The following CELSR1 variants were observed in gnomAD, a reference collection of about 807,000 sequenced individuals.
CELSR1 encodes the protein adhesion G protein-coupled receptor C1.
Under a neutral mutation model 249.1 loss-of-function variants are expected in CELSR1, and 110 were observed. The ratio of observed to expected loss-of-function variants is 0.44; its 90% CI spans 0.38 to 0.52. The LOEUF is 0.52. Among genes scored for constraint, CELSR1 ranks in the 20% least tolerant of loss-of-function variants. CELSR1 has a pLI of 0.00. For synonymous variants in CELSR1, 2,113 were observed against 1,900.0 expected (o/e 1.11, Z -2.92); for missense variants, 4,109 against 4,296.4 (o/e 0.96, Z 1.22).
At position 46,396,787 on chromosome 22, in the gene CELSR1, C is replaced by T. The variant is rs777465230; in HGVS notation, c.5702-41G>A. 82 of 1,598,204 alleles carry T rather than the reference C, an allele frequency of 5.1e-5. No homozygotes were observed. Among genetic ancestry groups the T allele is most frequent in the Non-Finnish European group, 5.8e-5 (68 of 1,172,560 alleles). ...CAGCATTACCTCCACCCACAATCCACGAGACCTTCCACGTTAAAATATCTG... is the reference window on the plus strand; with the variant it reads ...CAGCATTACCTCCACCCACAATCCATGAGACCTTCCACGTTAAAATATCTG... On this transcript the variant is annotated intron_variant, in intron 12 of 34. Transcript: ENST00000674500. This position sits in a 1 kb window ranked among gnomAD's most constrained non-coding sequence, Gnocchi z 6.4.
intron 1 of CELSR1, among the ~76,000 whole-genome samples, chr22:46,495,285 G>A (rs1446083469): frequency 3.3e-5 from 5 of 152,210 alleles, no homozygotes; most frequent in African/African-American, 1.2e-4. Context: ...ACTGAGTACT[G>A]TAAGCAACTG....
At chr22:46,491,925 C>T (rs927496523) in intron 1 of CELSR1, among the ~76,000 whole-genome samples, 1 of 152,202 alleles carries the variant, frequency 6.6e-6, no homozygotes, top group Non-Finnish European at 1.5e-5. Context: ...GCATGAGCCA[C>T]GATGTCGCGC....
intron 19 of CELSR1, among the ~76,000 whole-genome samples, chr22:46,385,012 A>T (rs577874231): frequency 1.3e-5 from 2 of 151,996 alleles, no homozygotes; most frequent in Non-Finnish European, 2.9e-5. Context: ...GGCTGGTCTC[A>T]AACTCCTGAC....
intron 2 of CELSR1, among the ~76,000 whole-genome samples, chr22:46,460,958 G>A (rs1220793349): frequency 6.6e-6 from 1 of 152,172 alleles, no homozygotes. Flanking sequence ...AGCTCCTGCT[G>A]TCTCCTGTCC....
Position 46,464,383 on chromosome 22 carries a change from G to C in CELSR1, c.3545-38C>G. 6.3e-7 allele frequency: 1 copy of C among 1,583,858 alleles called. No homozygotes were observed. The highest frequency in any genetic ancestry group is 8.6e-7 in the Non-Finnish European group (1 of 1,165,338). ...GGAAAGTCAGGGTCATTCAGATGCTGCGGGAGTCACAGGTCCTATAGGCCC... is the reference window on the plus strand; with the variant it reads ...GGAAAGTCAGGGTCATTCAGATGCTCCGGGAGTCACAGGTCCTATAGGCCC... On this transcript the variant is annotated intron_variant, in intron 1 of 34. Transcript: ENST00000674500. The surrounding 1 kb of genome is among the most constrained non-coding windows in gnomAD (Gnocchi z 8.5).
chr22:46,480,300 C>A (rs1478077363), intron 1 of CELSR1, among the ~76,000 whole-genome samples: 2 of 152,204 alleles, frequency 1.3e-5, no homozygotes, highest in African/African-American at 4.8e-5. Context: ...CCCCTCACCT[C>A]CCAAGAAGAG....
At chr22:46,424,369 A>T (rs2079514187) in intron 5 of CELSR1, among the ~76,000 whole-genome samples, 2 of 152,112 alleles carry the variant, frequency 1.3e-5, no homozygotes, top group Non-Finnish European at 1.5e-5. Context: ...GTGAGCCACC[A>T]CACCTGGCCT....
In CELSR1 at chr22:46,411,875, C is replaced by G; in HGVS notation, c.4612-116G>C. ...TGGCACAGGGTGGGCGGCACGTAGA[C>G]AAGGGATGAGGAGCCCCCGGCCTTT... On this transcript the variant is annotated intron_variant, in intron 5 of 34. Coordinates refer to ENST00000674500, the MANE Select transcript of CELSR1 (RefSeq NM_001378328.1). The surrounding 1 kb of genome is among the most constrained non-coding windows in gnomAD (Gnocchi z 4.2). 7.4e-7 allele frequency: 1 copy of G among 1,359,584 alleles called. No individual in the cohort carries two copies. 84.2% of individuals were successfully genotyped at this position (1,359,584 alleles called of 1,614,324 possible).
intron 1 of CELSR1, among the ~76,000 whole-genome samples, chr22:46,476,244 T>C (rs753212719): frequency 6.6e-6 from 1 of 152,152 alleles, no homozygotes; most frequent in Non-Finnish European, 1.5e-5. Flanking sequence ...CGTCCACCAA[T>C]GTATGAATGG....
chr22:46,529,476 G>A (rs1235001430), intron 1 of CELSR1, among the ~76,000 whole-genome samples: 2 of 151,930 alleles, frequency 1.3e-5, no homozygotes, highest in African/African-American at 4.8e-5. Flanking sequence ...CAGGAGGAAG[G>A]TGGATGGTCA....
At position 46,464,046 on chromosome 22, in the gene CELSR1, C is replaced by T. The variant is rs1177221984; in HGVS notation, c.3844G>A (p.Glu1282Lys). Residue 1282 changes from glutamate (E) to lysine (K), a missense_variant, in exon 2 of 35, where the codon GAG becomes AAG. Glu to Lys is a moderately conservative substitution (Grantham distance 56, BLOSUM62 1). Transcript: ENST00000674500. This position sits in a 1 kb window ranked among gnomAD's most constrained non-coding sequence, Gnocchi z 8.5. ...AGCGTCCGATTCAGGTAGATCTGCT[C>T]CTGCAGGTCCTCCGACGGGAAGAAC... is the stretch of plus-strand genomic sequence containing the variant. Reference protein sequence around the residue: ...GQFFPSEDLQEQIYLNRTLLT... With the variant: ...GQFFPSEDLQKQIYLNRTLLT... 1 of 1,613,776 alleles carries T rather than the reference C, an allele frequency of 6.2e-7. No homozygotes were observed. Among genetic ancestry groups the T allele is most frequent in the South Asian group, 1.1e-5 (1 of 91,086 alleles).
At position 46,410,607 on chromosome 22, in the gene CELSR1, C is replaced by A. The variant is rs373075126; in HGVS notation, c.4770-46G>T. 3.8e-6 allele frequency: 6 copies of A among 1,594,654 alleles called. No homozygotes were observed. The Admixed American group carries it at 6.7e-5, about 18-fold the overall frequency. On this transcript the variant is annotated intron_variant, in intron 6 of 34. Coordinates refer to ENST00000674500, the MANE Select transcript of CELSR1 (RefSeq NM_001378328.1). The surrounding 1 kb of genome is among the most constrained non-coding windows in gnomAD (Gnocchi z 6.8). ...TCTGTGACGTCAGGGCGGGGAGAGG[C>A]GGCCACGGCGGGCTGGGCTCCGCAG...
intron 1 of CELSR1, among the ~76,000 whole-genome samples, chr22:46,498,319 G>C (rs1318647922): frequency 9.4e-6 from 1 of 106,420 alleles, no homozygotes; most frequent in Non-Finnish European, 1.9e-5. Context: ...AAAAAAGATA[G>C]TCCAGTGGGA....
Position 46,423,006 on chromosome 22 carries a change from T to C in CELSR1, c.4611+10387A>G, listed in dbSNP as rs2079495464. Among the ~76,000 whole-genome samples the C allele has an allele frequency of 6.6e-6, 1 of 152,148 alleles. No individual in the cohort carries two copies. Among genetic ancestry groups the C allele is most frequent in the South Asian group, 2.1e-4 (1 of 4,824 alleles). On this transcript the variant is annotated intron_variant, in intron 5 of 34. Coordinates refer to ENST00000674500, the MANE Select transcript of CELSR1 (RefSeq NM_001378328.1). The surrounding 1 kb of genome is among the most constrained non-coding windows in gnomAD (Gnocchi z 5.6). ...GCCACCTCCTGGCTCTTGCCACCAA[T>C]GGTCCATGTCTCTACCTAGAGGCTG...
Position 46,412,842 on chromosome 22 carries a change from T to C in CELSR1, c.4612-1083A>G, listed in dbSNP as rs2079354118. ...GGGACAGGCAACAGAATGTCTTTCA[T>C]CTGCACAACCTGGATAACAAGACCT... On this transcript the variant is annotated intron_variant, in intron 5 of 34. Transcript: ENST00000674500. This position sits in a 1 kb window ranked among gnomAD's most constrained non-coding sequence, Gnocchi z 4.5. Among the ~76,000 whole-genome samples, 1 of 152,218 alleles carries C rather than the reference T, an allele frequency of 6.6e-6. No homozygotes were observed. Among genetic ancestry groups the C allele is most frequent in the Non-Finnish European group, 1.5e-5 (1 of 68,044 alleles).
rs562049161 is a variant in CELSR1 at position 46,396,219 on chromosome 22, C to G, written c.5843+386G>C. On this transcript the variant is annotated intron_variant, in intron 13 of 34. Transcript: ENST00000674500. The surrounding 1 kb of genome is among the most constrained non-coding windows in gnomAD (Gnocchi z 6.4). ...GTCAGGAGTTCGAGACCAGCCTGAC[C>G]AATATGGTGAAACTCCATTTCTACT... 5.3e-5 allele frequency among the ~76,000 whole-genome samples: 8 copies of G among 152,124 alleles called. No homozygotes were observed. Among genetic ancestry groups the G allele is most frequent in the South Asian group, 2.1e-4 (1 of 4,822 alleles).
In CELSR1 at chr22:46,536,531, G is replaced by A. The variant is rs574101146; in HGVS notation, c.640C>T (p.Pro214Ser). The A allele has an allele frequency of 5.6e-6, 8 of 1,423,704 alleles. No individual in the cohort carries two copies. In the East Asian group the frequency reaches 2.3e-4, roughly 41 times the overall value. The allele number at this position is 1,423,704 out of a possible 1,614,324, so 88.2% of individuals were successfully genotyped here. A position where few individuals can be genotyped will look rare whatever the true frequency, so the allele number is the denominator to read the frequency against. Residue 214 changes from proline (P) to serine (S), a missense_variant, in exon 1 of 35, where the codon CCA (proline) becomes TCA (serine). Physicochemically the swap from Pro to Ser is moderately conservative, Grantham distance 74. Coordinates refer to ENST00000674500, the MANE Select transcript of CELSR1 (RefSeq NM_001378328.1). ...TAGTPSASPSPSPPLPPNLPE... is the reference protein window; with the variant it reads ...TAGTPSASPSSSPPLPPNLPE... ...AAGTTCGGCGGCAGGGGCGGCGATG[G>A]GGATGGCGACGCGGAGGGCGTCCCC...
chr22:46,477,608 A>G, intron 1 of CELSR1, among the ~76,000 whole-genome samples: 1 of 149,476 alleles, frequency 6.7e-6, no homozygotes, highest in Admixed American at 6.7e-5. Context: ...CCCGAGTTCA[A>G]GCGATTTCCC....
rs1307718760 is a variant in CELSR1, at chr22:46,407,398, G to T, written c.5226+1598C>A. Among the ~76,000 whole-genome samples the T allele has an allele frequency of 1.3e-5, 2 of 152,188 alleles. No individual in the cohort carries two copies. Among genetic ancestry groups the T allele is most frequent in the Non-Finnish European group, 2.9e-5 (2 of 68,040 alleles). ...TAATCCCAGCACTTTGGGAGGCGGA[G>T]GCGAGTGGATCACCTGAGGTCAGGA... is the stretch of plus-strand genomic sequence containing the variant. On this transcript the variant is annotated intron_variant, in intron 9 of 34. Coordinates refer to ENST00000674500, the MANE Select transcript of CELSR1 (RefSeq NM_001378328.1). This position sits in a 1 kb window ranked among gnomAD's most constrained non-coding sequence, Gnocchi z 4.8.
Sources: allele counts gnomAD v4.1 joint callset (sites outside exome capture counted in the v4.1 genomes callset), GRCh38; gene constraint gnomAD v4.1.1; non-coding constraint Gnocchi (gnomAD v3.1); transcripts MANE v1.5; gene names NCBI Gene and HGNC (gene_info 2026-07-23, HGNC 2026-07-21).